Variants in FABP12 observed in about 807,000 individuals in gnomAD.
The protein encoded by FABP12 is fatty acid binding protein 12.
Under a neutral mutation model 13.7 loss-of-function variants are expected in FABP12, and 19 were observed. The ratio of observed to expected loss-of-function variants is 1.39; its 90% CI spans 0.97 to 2.04. The LOEUF (loss-of-function observed/expected upper bound fraction) is 2.04. FABP12 is among the 30% of genes most tolerant of loss of function. The probability of loss-of-function intolerance (pLI) is 0.00; values close to 1 mark genes in which losing one functional copy is unlikely to be tolerated. For synonymous variants in FABP12, 61 were observed against 57.0 expected, an observed-to-expected ratio of 1.07 and a Z score of -0.32; for missense variants, 182 against 164.2, an observed-to-expected ratio of 1.11 and a Z score of -0.59.
At chr8:81,530,753 AC>A (rs1229904891) in intron 2 of FABP12, among the ~76,000 whole-genome samples, 5 of 152,206 alleles carry the variant, frequency 3.3e-5, no homozygotes, top group African/African-American at 1.2e-4. Flanking sequence ...CAGATCTCAA[AC>A]ATAATCATAA....
At chr8:81,577,747 G>T (rs1319895977) in intron 1 of FABP12, among the ~76,000 whole-genome samples, 1 of 152,140 alleles carries the variant, frequency 6.6e-6, no homozygotes, top group Non-Finnish European at 1.5e-5. Context: ...GCGACAAAGT[G>T]AGACTCCGTC....
At position 81,531,880 on chromosome 8, in the gene FABP12, C is replaced by T. The variant is rs147068149; in HGVS notation, c.-75-490G>A. On this transcript the variant is annotated intron_variant, in intron 1 of 4. Transcript: ENST00000360464. ...TAGAACAACCACTTTAAGTCATGTG[C>T]ACAATGAAAAAGAGAATGGGACAGA... 5.9e-5 allele frequency among the ~76,000 whole-genome samples: 9 copies of T among 151,972 alleles called. No individual in the cohort carries two copies. In the East Asian group the frequency reaches 7.7e-4, roughly 13 times the overall value.
intron 1 of FABP12, among the ~76,000 whole-genome samples, chr8:81,585,033 T>C (rs528816609): frequency 6.6e-6 from 1 of 152,336 alleles, no homozygotes; most frequent in East Asian, 1.9e-4. Flanking sequence ...TTCCGTGGAT[T>C]GTCTCTTCAC....
At chr8:81,554,314 C>T (rs997349856) in intron 1 of FABP12, among the ~76,000 whole-genome samples, 8 of 152,096 alleles carry the variant, frequency 5.3e-5, no homozygotes, top group Non-Finnish European at 7.4e-5. Context: ...AAGCTCTGTA[C>T]TAGATGCCTT....
Position 81,531,306 on chromosome 8 carries a change from G to C in FABP12, c.10C>G (p.Gln4Glu), listed in dbSNP as rs1288415063. The C allele has an allele frequency of 6.2e-7, 1 of 1,600,540 alleles. No homozygotes were observed. The highest frequency in any genetic ancestry group is 1.7e-5 in the Admixed American group (1 of 58,480). The change falls in exon 2 of 5, where the codon CAG becomes GAG. Residue 4 changes from glutamine to glutamate, a missense_variant. Physicochemically the swap from Gln to Glu is conservative, Grantham distance 29. Transcript: ENST00000360464. ...ATGGACTTCCATGTTCCTTGGAGCT[G>C]GTCAATCATTCTGTCTGAGATAAGT... is the stretch of plus-strand genomic sequence containing the variant.
intron 2 of FABP12, among the ~76,000 whole-genome samples, chr8:81,530,722 G>T (rs1436587529): frequency 6.6e-6 from 1 of 152,174 alleles, no homozygotes; most frequent in Admixed American, 6.5e-5. Flanking sequence ...GAGATGGGGA[G>T]AGTATCCTGG....
chr8:81,584,440 A>G (rs1386457803), intron 1 of FABP12, among the ~76,000 whole-genome samples: 1 of 152,188 alleles, frequency 6.6e-6, no homozygotes, highest in Non-Finnish European at 1.5e-5. Flanking sequence ...ACCAGCCTCC[A>G]TTGCCACAGC....
At chr8:81,527,038 C>T in exon 4 of FABP12, 2 of 1,608,940 alleles carry the variant, frequency 1.2e-6, no homozygotes, top group South Asian at 1.1e-5. Flanking sequence ...TTTTCCCATC[C>T]ACCAGCTTTC....
chr8:81,584,522 C>T lies in FABP12; in HGVS notation c.-185+5531G>A, dbSNP rs377217964. Among the ~76,000 whole-genome samples, 21 of 152,348 alleles carry T rather than the reference C, an allele frequency of 1.4e-4. No individual in the cohort carries two copies. In the East Asian group the frequency reaches 2.7e-3, roughly 20 times the overall value. On this transcript the variant is annotated intron_variant, in intron 1 of 5. Coordinates refer to the FABP12 transcript ENST00000692030. ...TTTCTGAGACCAGTTTGAAGAGCTA[C>T]TAGGAATTCACACAGCTGCATTGCC...
At chr8:81,535,223 CCA>C (rs1251239967), upstream of FABP12, among the ~76,000 whole-genome samples, 1 of 152,158 alleles carries the variant, frequency 6.6e-6, no homozygotes, top group Non-Finnish European at 1.5e-5. Flanking sequence ...ATGATATGAA[CCA>C]CCACCTTCTG....
intron 1 of FABP12, chr8:81,532,939 G>A (rs1396150970): frequency 6.6e-6 from 1 of 152,246 alleles, no homozygotes; most frequent in Non-Finnish European, 1.5e-5. Flanking sequence ...GCTGAAGCCA[G>A]GAAATGACCC....
intron 1 of FABP12, among the ~76,000 whole-genome samples, chr8:81,561,446 C>A (rs1809722374): frequency 6.6e-6 from 1 of 152,182 alleles, no homozygotes; most frequent in Admixed American, 6.5e-5. Context: ...AGCCTTCACC[C>A]ATTGTTCTCC....
chr8:81,564,133 A>G (rs935680698), intron 1 of FABP12, among the ~76,000 whole-genome samples: 7 of 152,162 alleles, frequency 4.6e-5, no homozygotes, highest in Non-Finnish European at 1.0e-4. Flanking sequence ...AGAGAGTGGC[A>G]TGGAATATGT....
chr8:81,563,507 A>C (rs183216177), intron 1 of FABP12, among the ~76,000 whole-genome samples: 10 of 152,324 alleles, frequency 6.6e-5, no homozygotes, highest in African/African-American at 2.4e-4. Context: ...GGTAATAAGT[A>C]ATTTTGAGGA....
chr8:81,529,122 G>A (rs945475489), intron 3 of FABP12, among the ~76,000 whole-genome samples: 5 of 152,144 alleles, frequency 3.3e-5, no homozygotes, highest in African/African-American at 9.7e-5. Context: ...GCTACAAAAT[G>A]GATAGGGAAA....
intron 1 of FABP12, among the ~76,000 whole-genome samples, chr8:81,570,193 A>AT (rs1165298303): frequency 6.6e-6 from 1 of 152,180 alleles, no homozygotes; most frequent in African/African-American, 2.4e-5. Flanking sequence ...ATCCACAAGG[A>AT]CCCAAAGAGT....
intron 1 of FABP12, among the ~76,000 whole-genome samples, chr8:81,587,105 G>A (rs35367373): frequency 0.019 from 2,917 of 152,132 alleles, 65 homozygotes; most frequent in African/African-American, 0.056. Flanking sequence ...ATGGTTGTAG[G>A]TGTGCACCTT....
At chr8:81,559,709 G>T (rs1809687104) in intron 1 of FABP12, among the ~76,000 whole-genome samples, 1 of 152,204 alleles carries the variant, frequency 6.6e-6, no homozygotes, top group Admixed American at 6.5e-5. Context: ...CTGATGCTCT[G>T]TTCCTAAGAG....
chr8:81,545,812 G>T (rs1165972739), intron 1 of FABP12, among the ~76,000 whole-genome samples: 2 of 152,050 alleles, frequency 1.3e-5, no homozygotes, highest in African/African-American at 2.4e-5. Context: ...ACTCATTCAG[G>T]GTCACTCATT....
Sources: gnomAD v4.1 joint callset for allele counts (sites outside exome capture counted in the v4.1 genomes callset) on GRCh38, gnomAD v4.1.1 for gene constraint, MANE v1.5 for transcripts, NCBI Gene and HGNC (gene_info 2026-07-23, HGNC 2026-07-21) for gene names.